LMTK2: variants seen among roughly 807,000 people sequenced by gnomAD.
LMTK2 encodes lemur tail kinase 2.
Under a neutral mutation model 127.5 loss-of-function variants are expected in LMTK2, and 37 were observed. The observed-to-expected ratio is 0.29, with a 90% confidence interval of 0.22 to 0.38. The LOEUF (loss-of-function observed/expected upper bound fraction) is 0.38. Ranked by LOEUF, LMTK2 falls within the 10% of genes least tolerant of loss-of-function variation. The pLI is 1.00. For missense variants in LMTK2, 1,694 were observed against 1,920.3 expected (o/e 0.88, Z 2.20); for synonymous variants, 819 against 810.1 (o/e 1.01, Z -0.19).
chr7:98,192,554 G>A lies in LMTK2; in HGVS notation c.2089G>A (p.Glu697Lys), dbSNP rs182143351. Residue 697 changes from glutamate to lysine, a missense_variant, in exon 11 of 14, where the codon GAG becomes AAG. Transcript: ENST00000297293. The stretch of plus-strand genomic sequence containing the variant: ...AAAGCCCCGTAAGATTTTTGACAGT[G>A]AGCCTCTCTGCCTATCAGATAATCT... ...KEKPRKIFDS[E>K]PLCLSDNLMH... The A allele has an allele frequency of 6.2e-7, 1 of 1,612,882 alleles. No homozygotes were observed. The highest frequency in any genetic ancestry group is 2.2e-5 in the East Asian group (1 of 44,880).
chr7:98,144,902 GCA>G (rs1796749047), intron 3 of LMTK2, among the ~76,000 whole-genome samples: 1 of 152,064 alleles, frequency 6.6e-6, no homozygotes, highest in South Asian at 2.1e-4. Context: ...GTATAGTTTA[GCA>G]CAGTTTATTT....
At chr7:98,154,929 G>C in intron 5 of LMTK2, 53 bp downstream of exon 5, 1 of 1,060,140 alleles carries the variant, frequency 9.4e-7, no homozygotes, top group South Asian at 1.3e-5. Context: ...TCTGTTGAAG[G>C]TCAGGTGTTT....
chr7:98,137,348 C>G lies in LMTK2; in HGVS notation c.137C>G (p.Ser46Cys). The change falls in exon 2 of 14, where the codon TCT becomes TGT. Residue 46 changes from serine to cysteine, a missense_variant. This residue lies in a region of LMTK2 where 76 missense variants were observed against 82.0 expected (regional missense o/e 0.93). Transcript: ENST00000297293. ...CCACCTGCTGCAGAAGTTTCCTCAT[C>G]TTTTGTGATCCTGTGTGTGTGCAGT... ...EAPPAAEVSS[S>C]FVILCVCSLI... is the part of the protein sequence containing the mutation. 2 of 1,613,318 alleles carry G rather than the reference C, an allele frequency of 1.2e-6. No homozygotes were observed. Among genetic ancestry groups the G allele is most frequent in the Non-Finnish European group, 1.7e-6 (2 of 1,179,776 alleles).
chr7:98,181,626 A>G (rs529686294), intron 7 of LMTK2, among the ~76,000 whole-genome samples: 9 of 152,332 alleles, frequency 5.9e-5, no homozygotes, highest in African/African-American at 2.2e-4. Flanking sequence ...GAGCCCAGAA[A>G]TAAAACTTCA....
chr7:98,191,976 T>G lies in LMTK2; in HGVS notation c.1511T>G (p.Phe504Cys). The change falls in exon 11 of 14, where the codon TTC (phenylalanine) becomes TGC (cysteine). Residue 504 changes from phenylalanine to cysteine, a missense_variant. Phe to Cys is a radical substitution (Grantham distance 205, BLOSUM62 -2). Around this residue, in one of 8 missense-constraint regions of LMTK2, gnomAD observed 216 missense variants for 266.8 expected, o/e 0.81. Transcript: ENST00000297293. ...LDEGLSYTSI[F>C]YPVEVFESSL... ...GAAGGCTTGTCCTACACGAGCATCT[T>G]CTATCCGGTTGAAGTTTTTGAGAGT... 6.2e-7 allele frequency: 1 copy of G among 1,613,990 alleles called. No homozygotes were observed. The highest frequency in any genetic ancestry group is 1.7e-5 in the Admixed American group (1 of 60,006).
chr7:98,147,017 A>T (rs1316421064), intron 3 of LMTK2, among the ~76,000 whole-genome samples: 3 of 152,232 alleles, frequency 2.0e-5, no homozygotes, highest in Non-Finnish European at 4.4e-5. Flanking sequence ...GTTTGGCCAG[A>T]TATAGAATTC....
At chr7:98,178,387 C>A (rs532310914) in intron 7 of LMTK2, among the ~76,000 whole-genome samples, 2 of 152,180 alleles carry the variant, frequency 1.3e-5, no homozygotes, top group Non-Finnish European at 2.9e-5. Flanking sequence ...CCTTGTGAAT[C>A]GGGGTGGGAA....
Position 98,208,879 on chromosome 7 carries a change from T to C in LMTK2, c.*3387T>C, listed in dbSNP as rs968762817. On this transcript the variant is annotated 3_prime_UTR_variant, in exon 14 of 14. Coordinates refer to ENST00000297293, the MANE Select transcript of LMTK2 (RefSeq NM_014916.4). ...TATCTAAGAAAAGTCTTGGTTTGTC[T>C]TGCTGCTGTAAAAGGCCTTTCCAAA... 1.3e-5 allele frequency: 2 copies of C among 152,266 alleles called. No homozygotes were observed. Among genetic ancestry groups the C allele is most frequent in the Non-Finnish European group, 2.9e-5 (2 of 68,050 alleles). The allele number at this position is 152,266 out of a possible 1,614,324, so 9.4% of individuals were successfully genotyped here.
chr7:98,132,116 G>A (rs1796528149), intron 1 of LMTK2, among the ~76,000 whole-genome samples: 1 of 152,172 alleles, frequency 6.6e-6, no homozygotes, highest in Non-Finnish European at 1.5e-5. Context: ...CCAAAGACAG[G>A]ACAATGGGAG....
chr7:98,113,552 C>T (rs1027684651), intron 1 of LMTK2, among the ~76,000 whole-genome samples: 1 of 152,150 alleles, frequency 6.6e-6, no homozygotes, highest in Non-Finnish European at 1.5e-5. Context: ...TGAGCCACCG[C>T]ACCTGGCCCT....
chr7:98,186,647 A>G (rs1186862219), intron 8 of LMTK2, among the ~76,000 whole-genome samples: 1 of 152,186 alleles, frequency 6.6e-6, no homozygotes, highest in East Asian at 1.9e-4. Context: ...TCCAAGAAGG[A>G]TGACTTAGCA....
chr7:98,193,114 C>T lies in LMTK2; in HGVS notation c.2649C>T (p.Ser883=). The change falls in exon 11 of 14, where the codon TCC becomes TCT. Residue 883 remains serine (S), a synonymous_variant. Transcript: ENST00000297293. This position sits in a 1 kb window ranked among gnomAD's most constrained non-coding sequence, Gnocchi z 4.1. ...DARTHSLDNR[S]QDSPGESEET... Reference sequence around the variant, plus strand: ...GAACCCACAGCCTGGATAACAGGTCCCAGGACTCTCCTGGCGAGAGTGAGG... The same window carrying T: ...GAACCCACAGCCTGGATAACAGGTCTCAGGACTCTCCTGGCGAGAGTGAGG... The T allele has an allele frequency of 6.2e-7, 1 of 1,613,668 alleles. No homozygotes were observed.
At position 98,192,837 on chromosome 7, in the gene LMTK2, G is replaced by A. The variant is rs1434559003; in HGVS notation, c.2372G>A (p.Gly791Asp). The A allele has an allele frequency of 2.5e-6, 4 of 1,613,822 alleles. No individual in the cohort carries two copies. The highest frequency in any genetic ancestry group is 3.4e-6 in the Non-Finnish European group (4 of 1,179,880). ...TTGCAGGAAAACGTAAGCACAAAGG[G>A]TGACGATACAGATGTCATGCTCACA... ...SLLQENVSTK[G>D]DDTDVMLTGD... The change falls in exon 11 of 14, where the codon GGT becomes GAT. Residue 791 changes from glycine to aspartate, a missense_variant. Physicochemically the swap from Gly to Asp is moderately conservative, Grantham distance 94. Around this residue, in one of 8 missense-constraint regions of LMTK2, gnomAD observed 527 missense variants for 539.8 expected, o/e 0.98. Coordinates refer to ENST00000297293, the MANE Select transcript of LMTK2 (RefSeq NM_014916.4).
intron 1 of LMTK2, among the ~76,000 whole-genome samples, chr7:98,125,944 A>G (rs190112580): frequency 2.5e-3 from 378 of 152,306 alleles, no homozygotes; most frequent in Non-Finnish European, 4.0e-3. Context: ...TCAATATTCA[A>G]TAGTAGCACC....
In LMTK2 at chr7:98,171,621, G is replaced by C. The variant is rs370355112; in HGVS notation, c.738G>C (p.Ala246=). Residue 246 remains alanine (A), a synonymous_variant, in exon 7 of 14, where the codon GCG becomes GCC. Coordinates refer to ENST00000297293, the MANE Select transcript of LMTK2 (RefSeq NM_014916.4). This position sits in a 1 kb window ranked among gnomAD's most constrained non-coding sequence, Gnocchi z 5.1. The part of the protein sequence containing the change: ...DSQTMLLQRM[A]CEVAAGLAAM... Reference sequence around the variant, plus strand: ...AGACCATGCTGCTGCAGAGGATGGCGTGCGAGGTCGCCGCGGGGCTGGCCG... The same window carrying C: ...AGACCATGCTGCTGCAGAGGATGGCCTGCGAGGTCGCCGCGGGGCTGGCCG... The C allele has an allele frequency of 6.2e-7, 1 of 1,610,662 alleles. No homozygotes were observed. The highest frequency in any genetic ancestry group is 1.3e-5 in the African/African-American group (1 of 74,864).
At chr7:98,108,150 T>G (rs1796145747) in intron 1 of LMTK2, among the ~76,000 whole-genome samples, 2 of 152,182 alleles carry the variant, frequency 1.3e-5, no homozygotes, top group African/African-American at 4.8e-5. Context: ...AGAAGAGACC[T>G]TAAAGAAAAT....
At chr7:98,140,154 T>TCCGTCC (rs1562902771) in intron 2 of LMTK2, among the ~76,000 whole-genome samples, 2 of 58,068 alleles carry the variant, frequency 3.4e-5, no homozygotes, top group Non-Finnish European at 5.3e-5. Flanking sequence ...TTTCTTTTCT[T>TCCGTCC]TTCTTTTCTT....
chr7:98,190,970 C>T (rs1462505336), intron 10 of LMTK2, 93 bp downstream of exon 10: 19 of 1,182,768 alleles, frequency 1.6e-5, no homozygotes, highest in African/African-American at 3.0e-5. Context: ...TATTATGTTT[C>T]TTCATTTCCT....
At chr7:98,205,441 C>T in intron 13 of LMTK2, 23 bp from the exon 14 acceptor site, 1 of 1,613,722 alleles carries the variant, frequency 6.2e-7, no homozygotes. Flanking sequence ...GCTTTGTCGT[C>T]TCGCTTCCTC....
Sources: gnomAD v4.1 joint callset for allele counts (sites outside exome capture counted in the v4.1 genomes callset) on GRCh38, gnomAD v4.1.1 for gene constraint, gnomAD v4.1.1 regional missense constraint, Gnocchi (gnomAD v3.1) non-coding constraint, MANE v1.5 for transcripts, NCBI Gene and HGNC (gene_info 2026-07-23, HGNC 2026-07-21) for gene names.